Variants in PTPRT observed in about 807,000 individuals in gnomAD.
PTPRT encodes the protein protein tyrosine phosphatase receptor type T, also known as receptor-type tyrosine-protein phosphatase T.
In PTPRT, 56 loss-of-function variants were observed where a neutral mutation model predicts 176.8. The ratio of observed to expected loss-of-function variants is 0.32; its 90% CI spans 0.26 to 0.40. The LOEUF (loss-of-function observed/expected upper bound fraction) is 0.40, where lower values mean the gene tolerates loss of function less well. PTPRT is among the 10% of genes least tolerant of loss of function. PTPRT has a pLI of 1.00. For missense variants in PTPRT, 1,540 were observed against 1,908.2 expected (o/e 0.81, Z 3.60); for synonymous variants, 783 against 739.0 (o/e 1.06, Z -0.96).
At chr20:42,557,288 C>T (rs1049362398) in intron 7 of PTPRT, among the ~76,000 whole-genome samples, 1 of 152,008 alleles carries the variant, frequency 6.6e-6, no homozygotes, top group Non-Finnish European at 1.5e-5. Flanking sequence ...CAGTCTGCTC[C>T]GTGAATACCT....
chr20:42,676,420 G>A (rs79919070), intron 7 of PTPRT, among the ~76,000 whole-genome samples: 12,035 of 152,070 alleles, frequency 0.079, 524 homozygotes, highest in South Asian at 0.15. Flanking sequence ...GTACTGATGG[G>A]TCCTTCCCCT....
intron 6 of PTPRT, among the ~76,000 whole-genome samples, chr20:42,701,704 C>T (rs941933198): frequency 4.6e-5 from 7 of 152,046 alleles, no homozygotes; most frequent in South Asian, 2.1e-4. Context: ...ACTGGATGTC[C>T]GCAATTGGAG....
intron 1 of PTPRT, among the ~76,000 whole-genome samples, chr20:42,988,839 CT>C (rs1263999833): frequency 6.6e-6 from 1 of 152,136 alleles, no homozygotes; most frequent in Admixed American, 6.5e-5. Flanking sequence ...GACAGTGTGC[CT>C]TGTGACCTGC....
At chr20:42,045,230 C>G in the PTPRT span, among the ~76,000 whole-genome samples, 2 of 151,874 alleles carry the variant, frequency 1.3e-5, no homozygotes, top group Non-Finnish European at 2.9e-5. Flanking sequence ...ATTCTACCTA[C>G]CAGAGAGAGT....
chr20:42,534,342 T>C (rs1198528729), intron 7 of PTPRT, among the ~76,000 whole-genome samples: 1 of 152,126 alleles, frequency 6.6e-6, no homozygotes, highest in Non-Finnish European at 1.5e-5. Context: ...GACATCAAGA[T>C]ACAAAACTAG....
intron 7 of PTPRT, among the ~76,000 whole-genome samples, chr20:42,584,291 A>T (rs574095122): frequency 2.0e-5 from 3 of 152,054 alleles, no homozygotes; most frequent in Non-Finnish European, 4.4e-5. Flanking sequence ...GTGATCTCCC[A>T]CTATTCTCTT....
chr20:42,757,857 G>C (rs910232959), intron 5 of PTPRT, among the ~76,000 whole-genome samples: 7 of 152,162 alleles, frequency 4.6e-5, no homozygotes, highest in African/African-American at 1.4e-4. Context: ...ATGCATGTTG[G>C]TGCAGTTTGA....
chr20:42,090,852 A>G (rs952597418), intron 27 of PTPRT, among the ~76,000 whole-genome samples: 7 of 152,176 alleles, frequency 4.6e-5, no homozygotes, highest in Non-Finnish European at 7.3e-5. Flanking sequence ...TAGATGTAAA[A>G]CTTTTGAAGT....
At chr20:42,696,548 C>T (rs930834823) in intron 6 of PTPRT, among the ~76,000 whole-genome samples, 1 of 151,690 alleles carries the variant, frequency 6.6e-6, no homozygotes, top group African/African-American at 2.4e-5. Context: ...CTCTTCCCCC[C>T]GGGTTCACAC....
intron 1 of PTPRT, among the ~76,000 whole-genome samples, chr20:43,150,342 G>A (rs1178998152): frequency 2.0e-5 from 3 of 152,310 alleles, no homozygotes; most frequent in Admixed American, 6.5e-5. Context: ...AAAGGATAAC[G>A]GTCTCCATCC....
At chr20:42,329,504 T>C (rs13039711) in intron 11 of PTPRT, among the ~76,000 whole-genome samples, 76,694 of 120,110 alleles carry the variant, frequency 0.64, 20,492 homozygotes, top group African/African-American at 0.66. Flanking sequence ...CACACACACA[T>C]ACACACACAC....
At chr20:42,959,855 G>A (rs113746666) in intron 1 of PTPRT, among the ~76,000 whole-genome samples, 1,584 of 152,228 alleles carry the variant, frequency 0.01, 26 homozygotes, top group African/African-American at 0.036. Context: ...AGAGAACAAG[G>A]ACAGGAGACA....
chr20:42,886,844 AG>A (rs1180684942), intron 1 of PTPRT, among the ~76,000 whole-genome samples: 1 of 152,226 alleles, frequency 6.6e-6, no homozygotes, highest in Non-Finnish European at 1.5e-5. Flanking sequence ...AGGAGAAAGC[AG>A]AAGTGGAGGA....
At chr20:42,901,840 C>T (rs1008092214) in intron 1 of PTPRT, among the ~76,000 whole-genome samples, 1 of 152,200 alleles carries the variant, frequency 6.6e-6, no homozygotes. Context: ...GACCTATGAA[C>T]TAGAAACCTA....
intron 11 of PTPRT, among the ~76,000 whole-genome samples, chr20:42,345,549 T>TACAC (rs1182618155): frequency 7.1e-6 from 1 of 141,134 alleles, no homozygotes; most frequent in African/African-American, 2.6e-5. Context: ...CTAGTTACTA[T>TACAC]ACACACACAC....
intron 9 of PTPRT, among the ~76,000 whole-genome samples, chr20:42,434,591 A>C (rs529592886): frequency 4.5e-4 from 68 of 150,410 alleles, no homozygotes; most frequent in African/African-American, 1.6e-3. Context: ...GCTAAGAGAT[A>C]CTTCTGTTAC....
In PTPRT at chr20:42,076,950, A is replaced by G; in HGVS notation, c.*3929T>C. The G allele has an allele frequency of 5.1e-6, 1 of 195,676 alleles. No homozygotes were observed. The highest frequency in any genetic ancestry group is 8.0e-5 in the East Asian group (1 of 12,482). The allele number at this position is 195,676 out of a possible 1,614,324, so 12.1% of individuals were successfully genotyped here. A position where few individuals can be genotyped will look rare whatever the true frequency, so the allele number is the denominator to read the frequency against. On this transcript the variant is annotated 3_prime_UTR_variant, in exon 31 of 31. Transcript: ENST00000373187. ...CCTCCTGGGAAAAATGTGAGATACA[A>G]TGGTGGAAAAATATTGTCTCTGTAG...
chr20:42,595,613 G>A (rs1366749607), intron 7 of PTPRT, among the ~76,000 whole-genome samples: 3 of 152,110 alleles, frequency 2.0e-5, no homozygotes, highest in East Asian at 1.9e-4. Context: ...TAAGCCCACC[G>A]ACTGGAGACC....
chr20:42,107,073 A>G, intron 23 of PTPRT, 152 bp from the exon 24 acceptor site: 2 of 990,442 alleles, frequency 2.0e-6, no homozygotes, highest in Non-Finnish European at 2.9e-6. Flanking sequence ...TATAGTTTGT[A>G]ATGCATGTGC....
Sources: gnomAD v4.1 joint callset for allele counts (sites outside exome capture counted in the v4.1 genomes callset) on GRCh38, gnomAD v4.1.1 for gene constraint, MANE v1.5 for transcripts, NCBI Gene and HGNC (gene_info 2026-07-23, HGNC 2026-07-21) for gene names.